Variants in WWOX observed in about 807,000 individuals in gnomAD.
WWOX encodes WW domain containing oxidoreductase.
In WWOX, 69 loss-of-function variants were observed where a neutral mutation model predicts 46.2. The observed-to-expected ratio is 1.49, with a 90% CI of 1.23 to 1.82. WWOX has a LOEUF of 1.82. Ranked by LOEUF, WWOX falls within the 40% of genes most tolerant of loss-of-function variation. The probability of loss-of-function intolerance (pLI) is 0.00; values close to 1 mark genes in which losing one functional copy is unlikely to be tolerated. For missense variants in WWOX, 919 were observed against 542.6 expected, an observed-to-expected ratio of 1.69 and a Z score of -6.89; for synonymous variants, 359 against 202.6, an observed-to-expected ratio of 1.77 and a Z score of -6.56.
intron 5 of WWOX, among the ~76,000 whole-genome samples, chr16:78,383,000 C>G (rs1387855025): frequency 6.6e-6 from 1 of 151,280 alleles, no homozygotes; most frequent in East Asian, 2.0e-4. Flanking sequence ...CAAATCTTAG[C>G]AGGAGCAGGA....
intron 8 of WWOX, among the ~76,000 whole-genome samples, chr16:78,908,216 G>A (rs191106232): frequency 2.6e-5 from 4 of 152,200 alleles, no homozygotes; most frequent in East Asian, 1.9e-4. Context: ...AAGCAAAGCC[G>A]ATTTATCAAG....
At chr16:79,068,859 TAATAAAG>T (rs1426339479) in intron 8 of WWOX, among the ~76,000 whole-genome samples, 2 of 139,720 alleles carry the variant, frequency 1.4e-5, no homozygotes, top group African/African-American at 2.8e-5. Context: ...ATAATAATAA[TAATAAAG>T]AAAGCGAGAG....
chr16:78,791,358 AT>A (rs1421994995), intron 8 of WWOX, among the ~76,000 whole-genome samples: 1 of 152,174 alleles, frequency 6.6e-6, no homozygotes, highest in East Asian at 1.9e-4. Flanking sequence ...ATTAGGAAGC[AT>A]TCAGCAGGCA....
At chr16:78,276,068 C>G (rs1403985063) in intron 5 of WWOX, among the ~76,000 whole-genome samples, 1 of 152,164 alleles carries the variant, frequency 6.6e-6, no homozygotes, top group East Asian at 1.9e-4. Flanking sequence ...GACAGACTGA[C>G]AGTATTAGCG....
At chr16:78,885,343 C>G (rs184140768) in intron 8 of WWOX, among the ~76,000 whole-genome samples, 4 of 152,222 alleles carry the variant, frequency 2.6e-5, no homozygotes, top group South Asian at 2.1e-4. Flanking sequence ...AGTATAAAAT[C>G]TTTCCTGTCA....
chr16:78,965,144 C>G (rs975356933), intron 8 of WWOX, among the ~76,000 whole-genome samples: 1 of 152,134 alleles, frequency 6.6e-6, no homozygotes, highest in African/African-American at 2.4e-5. Flanking sequence ...GGGGCACTGC[C>G]CAGTGGATCT....
At chr16:78,116,586 A>C (rs1743764033) in intron 4 of WWOX, among the ~76,000 whole-genome samples, 1 of 152,162 alleles carries the variant, frequency 6.6e-6, no homozygotes, top group African/African-American at 2.4e-5. Context: ...CATTGGAGTA[A>C]ATTTTATATA....
chr16:78,603,810 C>G (rs553171666), intron 8 of WWOX, among the ~76,000 whole-genome samples: 7 of 152,236 alleles, frequency 4.6e-5, no homozygotes, highest in African/African-American at 1.4e-4. Context: ...AAGTGACTGA[C>G]CACTCTCCAT....
intron 5 of WWOX, among the ~76,000 whole-genome samples, chr16:78,324,553 G>A (rs1006667260): frequency 6.6e-6 from 1 of 152,066 alleles, no homozygotes; most frequent in Non-Finnish European, 1.5e-5. Context: ...ATGGACAAAT[G>A]GATAAATATG....
chr16:78,470,665 G>C (rs1223959008), intron 8 of WWOX, among the ~76,000 whole-genome samples: 1 of 152,152 alleles, frequency 6.6e-6, no homozygotes, highest in African/African-American at 2.4e-5. Flanking sequence ...AAGTAGCTGG[G>C]ATTACAGGCA....
At chr16:78,584,953 C>G (rs1454765223) in intron 8 of WWOX, among the ~76,000 whole-genome samples, 1 of 152,172 alleles carries the variant, frequency 6.6e-6, no homozygotes, top group Non-Finnish European at 1.5e-5. Context: ...GTGGGTTTTC[C>G]CAACAACTGA....
At chr16:78,835,285 T>C (rs1360675681) in intron 8 of WWOX, among the ~76,000 whole-genome samples, 3 of 152,262 alleles carry the variant, frequency 2.0e-5, no homozygotes, top group African/African-American at 7.2e-5. Flanking sequence ...TTTTAGTCTG[T>C]AGCTTTTATC....
chr16:79,211,874 C>A lies in WWOX; in HGVS notation c.*78C>A, dbSNP rs747465763. 1.3e-6 allele frequency: 2 copies of A among 1,590,900 alleles called. No individual in the cohort carries two copies. The highest frequency in any genetic ancestry group is 1.3e-5 in the African/African-American group (1 of 74,464). On this transcript the variant is annotated 3_prime_UTR_variant, in exon 9 of 9. Coordinates refer to ENST00000566780, the MANE Select transcript of WWOX (RefSeq NM_016373.4). The stretch of plus-strand genomic sequence containing the variant: ...CGCAAGTGCCAGGGCTGGGCCCCTT[C>A]CAAATGTCCCTCCAACACAGATCCG...
intron 8 of WWOX, among the ~76,000 whole-genome samples, chr16:78,780,677 G>A (rs866617935): frequency 6.6e-6 from 1 of 152,164 alleles, no homozygotes; most frequent in Admixed American, 6.6e-5. Context: ...AGCGCTGCAT[G>A]GGGGAGAACA....
chr16:78,966,512 GT>G lies in WWOX; in HGVS notation c.1057-245086del, dbSNP rs1043449469. Among the ~76,000 whole-genome samples the G allele has an allele frequency of 5.4e-3, 805 of 148,264 alleles. 10 individuals carry two copies. Among genetic ancestry groups the G allele is most frequent in the African/African-American group, 0.019 (752 of 40,450 alleles). ...ATTCCACTTAGTGGCTATGACTGTAGTTTTTTTTTTAACTCTTCCCCTAATA... is the reference window on the plus strand; with the variant it reads ...ATTCCACTTAGTGGCTATGACTGTAGTTTTTTTTTAACTCTTCCCCTAATA... On this transcript the variant is annotated intron_variant, in intron 8 of 8. Coordinates refer to ENST00000566780, the MANE Select transcript of WWOX (RefSeq NM_016373.4).
chr16:79,156,548 G>T (rs958708003), intron 8 of WWOX, among the ~76,000 whole-genome samples: 2 of 152,188 alleles, frequency 1.3e-5, no homozygotes, highest in Admixed American at 6.5e-5. Context: ...GGAAAATTAG[G>T]AATTCTTAAG....
At chr16:78,265,197 C>T (rs184430253) in intron 5 of WWOX, among the ~76,000 whole-genome samples, 61 of 151,880 alleles carry the variant, frequency 4.0e-4, no homozygotes, top group African/African-American at 1.5e-3. Context: ...AACGGGGTTT[C>T]ATCATGTAGG....
chr16:79,116,336 C>T (rs144172679), intron 8 of WWOX, among the ~76,000 whole-genome samples: 2 of 152,336 alleles, frequency 1.3e-5, no homozygotes, highest in South Asian at 2.1e-4. Context: ...CATCATTTTA[C>T]TCACAGCAGA....
intron 8 of WWOX, among the ~76,000 whole-genome samples, chr16:79,060,423 G>A (rs567793922): frequency 2.0e-5 from 3 of 152,206 alleles, no homozygotes; most frequent in Non-Finnish European, 4.4e-5. Flanking sequence ...ATGGATGCCC[G>A]TGCTTTCTGA....
Sources: allele counts gnomAD v4.1 joint callset (sites outside exome capture counted in the v4.1 genomes callset), GRCh38; gene constraint gnomAD v4.1.1; transcripts MANE v1.5; gene names NCBI Gene and HGNC (gene_info 2026-07-23, HGNC 2026-07-21).